FRMD3: variants seen among roughly 807,000 people sequenced by gnomAD.
The protein encoded by FRMD3 is FERM domain-containing protein 3.
A neutral mutation model predicts 70.2 loss-of-function variants in FRMD3; 33 were observed. That is an observed-to-expected ratio of 0.47 (90% CI 0.36 to 0.63). FRMD3 has a LOEUF of 0.63. FRMD3 is among the 20% of genes least tolerant of loss of function. The pLI is 0.00. For missense variants in FRMD3, 632 were observed against 711.4 expected, an observed-to-expected ratio of 0.89 and a Z score of 1.27; for synonymous variants, 279 against 255.9, an observed-to-expected ratio of 1.09 and a Z score of -0.86.
chr9:83,307,824 T>TA (rs1835190800), intron 10 of FRMD3, among the ~76,000 whole-genome samples: 1 of 152,180 alleles, frequency 6.6e-6, no homozygotes, highest in African/African-American at 2.4e-5. Context: ...GATTTCCATT[T>TA]AAAAAATTTT....
intron 1 of FRMD3, among the ~76,000 whole-genome samples, chr9:83,483,097 T>G (rs780807816): frequency 1.3e-5 from 2 of 152,130 alleles, no homozygotes; most frequent in Non-Finnish European, 2.9e-5. Flanking sequence ...AATCCCCACG[T>G]GTTGGAGGAG....
intron 1 of FRMD3, among the ~76,000 whole-genome samples, chr9:83,484,070 G>T (rs1265274509): frequency 6.6e-6 from 1 of 152,122 alleles, no homozygotes; most frequent in Non-Finnish European, 1.5e-5. Context: ...AGAGCTTAAG[G>T]ATAGGTGTTT....
chr9:83,444,963 G>T (rs1166930090), intron 1 of FRMD3, among the ~76,000 whole-genome samples: 1 of 152,152 alleles, frequency 6.6e-6, no homozygotes, highest in Non-Finnish European at 1.5e-5. Flanking sequence ...GCTCTTTCCC[G>T]TAGTCTCAAC....
chr9:83,445,815 G>T (rs1359897215), intron 1 of FRMD3, among the ~76,000 whole-genome samples: 1 of 152,134 alleles, frequency 6.6e-6, no homozygotes, highest in South Asian at 2.1e-4. Context: ...TATAAGAAAA[G>T]GGGTGAGAAC....
intron 1 of FRMD3, among the ~76,000 whole-genome samples, chr9:83,478,281 A>G (rs758498212): frequency 5.3e-5 from 8 of 152,194 alleles, no homozygotes; most frequent in Non-Finnish European, 7.3e-5. Flanking sequence ...TTGTTTTCCT[A>G]TGGGCTTCAG....
intron 1 of FRMD3, among the ~76,000 whole-genome samples, chr9:83,394,381 G>A (rs1348499318): frequency 6.6e-6 from 1 of 152,116 alleles, no homozygotes; most frequent in Non-Finnish European, 1.5e-5. Flanking sequence ...ATTAGGGATG[G>A]CTGGGTAAGA....
At position 83,293,617 on chromosome 9, in the gene FRMD3, C is replaced by A. The variant is rs368488681; in HGVS notation, c.1071-2890G>T. 6.6e-5 allele frequency among the ~76,000 whole-genome samples: 10 copies of A among 152,310 alleles called. No homozygotes were observed. In the East Asian group the frequency reaches 1.9e-3, roughly 29 times the overall value. On this transcript the variant is annotated intron_variant, in intron 12 of 13. Transcript: ENST00000304195. ...CAACATTGCAATGTCCAGACAATTG[C>A]CTAGCTCTAAGACAGGCTGGGCTCA... is the stretch of plus-strand genomic sequence containing the variant.
chr9:83,322,835 C>A (rs1835853710), intron 6 of FRMD3, among the ~76,000 whole-genome samples: 1 of 152,218 alleles, frequency 6.6e-6, no homozygotes, highest in Non-Finnish European at 1.5e-5. Context: ...CCCATCTCCT[C>A]TCTGGTGAAT....
At chr9:83,316,148 CTTTTTTTTTTTTCTTT>C (rs1034637761) in intron 6 of FRMD3, among the ~76,000 whole-genome samples, 1 of 134,502 alleles carries the variant, frequency 7.4e-6, no homozygotes, top group Non-Finnish European at 1.6e-5. Context: ...TCTTTTTTCT[CTTTTTTTTTTTTCTTT>C]TTTTTTTTTT....
intron 10 of FRMD3, among the ~76,000 whole-genome samples, chr9:83,305,454 C>T (rs1835092053): frequency 6.6e-6 from 1 of 152,208 alleles, no homozygotes; most frequent in South Asian, 2.1e-4. Flanking sequence ...AGATTAACAG[C>T]TTTGTTCCAG....
intron 5 of FRMD3, among the ~76,000 whole-genome samples, chr9:83,342,786 A>G (rs750382935): frequency 1.3e-5 from 2 of 152,154 alleles, no homozygotes; most frequent in Admixed American, 6.5e-5. Context: ...TTTAACACCT[A>G]TCTTCCTAGA....
At chr9:83,550,507 T>C in the FRMD3 span, among the ~76,000 whole-genome samples, 3 of 152,262 alleles carry the variant, frequency 2.0e-5, no homozygotes, top group South Asian at 6.2e-4. Flanking sequence ...TTGATAGAAA[T>C]AGTATTAAAT....
intron 4 of FRMD3, among the ~76,000 whole-genome samples, chr9:83,344,082 A>C (rs1282548974): frequency 6.6e-6 from 1 of 152,238 alleles, no homozygotes; most frequent in Non-Finnish European, 1.5e-5. Flanking sequence ...GCCAGGTTGC[A>C]ACCCCTGGCT....
intron 2 of FRMD3, 84 bp downstream of exon 2, chr9:83,389,520 C>G (rs1455088448): frequency 1.2e-6 from 1 of 864,762 alleles, no homozygotes; most frequent in African/African-American, 1.6e-5. Context: ...AAGGGCATCA[C>G]TAGGGCTTTG....
In FRMD3 at chr9:83,330,215, T is replaced by C. The variant is rs555025380; in HGVS notation, c.596+5301A>G. Among the ~76,000 whole-genome samples, 7 of 151,876 alleles carry C rather than the reference T, an allele frequency of 4.6e-5. No homozygotes were observed. The South Asian group carries it at 1.0e-3, about 23-fold the overall frequency. On this transcript the variant is annotated intron_variant, in intron 6 of 13. Transcript: ENST00000304195. The stretch of plus-strand genomic sequence containing the variant: ...CCCCGTCTTTACCAAAAATACAAAA[T>C]TAGCCCGGCAGGGTGGCGCATGCCT...
intron 1 of FRMD3, among the ~76,000 whole-genome samples, chr9:83,536,505 A>C (rs1829895736): frequency 6.6e-6 from 1 of 152,156 alleles, no homozygotes; most frequent in Non-Finnish European, 1.5e-5. Flanking sequence ...ACTTAAAGCA[A>C]AGTGCACAGT....
chr9:83,298,350 C>A (rs527523856), intron 12 of FRMD3, among the ~76,000 whole-genome samples: 7 of 152,252 alleles, frequency 4.6e-5, no homozygotes, highest in Non-Finnish European at 1.0e-4. Context: ...AGAGTAATGG[C>A]CCCATGAAAG....
chr9:83,287,352 C>A (rs1202803333), intron 13 of FRMD3, among the ~76,000 whole-genome samples: 1 of 152,216 alleles, frequency 6.6e-6, no homozygotes, highest in East Asian at 1.9e-4. Context: ...ACAAAAAGAA[C>A]TGTCTAGCTC....
Position 83,537,020 on chromosome 9 carries a change from T to C in FRMD3, c.147+1065A>G, listed in dbSNP as rs569861648. Reference sequence around the variant, plus strand: ...AAAGGAAATCCCAGAGATAAACAGTTAAATAGATTTAGAAGTCAGAAGTTA... The same window carrying C: ...AAAGGAAATCCCAGAGATAAACAGTCAAATAGATTTAGAAGTCAGAAGTTA... On this transcript the variant is annotated intron_variant, in intron 1 of 13. Transcript: ENST00000304195. This position sits in a 1 kb window ranked among gnomAD's most constrained non-coding sequence, Gnocchi z 4.1. 6.7e-6 allele frequency among the ~76,000 whole-genome samples: 1 copy of C among 150,248 alleles called. No individual in the cohort carries two copies. The highest frequency in any genetic ancestry group is 2.5e-5 in the African/African-American group (1 of 40,792).
Sources: allele counts gnomAD v4.1 joint callset (sites outside exome capture counted in the v4.1 genomes callset), GRCh38; gene constraint gnomAD v4.1.1; non-coding constraint Gnocchi (gnomAD v3.1); transcripts MANE v1.5; gene names NCBI Gene and HGNC (gene_info 2026-07-23, HGNC 2026-07-21).